Variants in TAFA4 observed in about 807,000 individuals in gnomAD.
The protein encoded by TAFA4 is chemokine-like protein TAFA-4.
In TAFA4, 20 loss-of-function variants were observed where a neutral mutation model predicts 21.1. That is an observed-to-expected ratio of 0.95 (90% CI 0.67 to 1.38). The LOEUF (loss-of-function observed/expected upper bound fraction) is 1.38. TAFA4 is among the 40% of genes most tolerant of loss of function. The pLI is 0.00. For missense variants in TAFA4, 211 were observed against 180.9 expected (o/e 1.17, Z -0.95); for synonymous variants, 71 against 67.4 (o/e 1.05, Z -0.26).
chr3:68,866,696 A>G (rs2089425360), intron 3 of TAFA4, among the ~76,000 whole-genome samples: 1 of 150,210 alleles, frequency 6.7e-6, no homozygotes. Context: ...AACTCACAAA[A>G]AAAAAAACTC....
chr3:68,756,637 A>G (rs541833915), intron 3 of TAFA4, among the ~76,000 whole-genome samples: 2 of 152,328 alleles, frequency 1.3e-5, no homozygotes, highest in South Asian at 4.1e-4. Flanking sequence ...TGGTGAGAAC[A>G]AATGCTAAGG....
chr3:68,799,354 C>T (rs934273112), intron 3 of TAFA4, among the ~76,000 whole-genome samples: 1 of 152,134 alleles, frequency 6.6e-6, no homozygotes, highest in Non-Finnish European at 1.5e-5. Flanking sequence ...AAGAGACTAG[C>T]TCTGCAGTCC....
chr3:68,750,819 C>A (rs949559981), intron 4 of TAFA4, among the ~76,000 whole-genome samples: 1 of 152,300 alleles, frequency 6.6e-6, no homozygotes, highest in East Asian at 1.9e-4. Context: ...GGCAAGCAAA[C>A]ATATTGTCTG....
chr3:68,828,226 A>G (rs558065739), intron 3 of TAFA4, among the ~76,000 whole-genome samples: 16 of 152,092 alleles, frequency 1.1e-4, no homozygotes, highest in Admixed American at 8.5e-4. Flanking sequence ...GTTCTGTTCC[A>G]TTGGTCTATA....
intron 3 of TAFA4, among the ~76,000 whole-genome samples, chr3:68,822,740 AG>A (rs1704141372): frequency 6.6e-6 from 1 of 152,150 alleles, no homozygotes; most frequent in South Asian, 2.1e-4. Flanking sequence ...CCAAAGTGCC[AG>A]GATTGTAGGC....
At chr3:68,914,209 G>A (rs546059051) in intron 1 of TAFA4, among the ~76,000 whole-genome samples, 2 of 152,134 alleles carry the variant, frequency 1.3e-5, no homozygotes, top group Non-Finnish European at 2.9e-5. Context: ...TACTGTTACA[G>A]GTAACAGCAG....
intron 3 of TAFA4, among the ~76,000 whole-genome samples, chr3:68,762,226 A>G (rs1702769504): frequency 6.6e-6 from 1 of 152,050 alleles, no homozygotes; most frequent in Non-Finnish European, 1.5e-5. Context: ...AATGTAGCAG[A>G]AGAATGGAGG....
At chr3:68,766,093 C>T (rs776223760) in intron 3 of TAFA4, among the ~76,000 whole-genome samples, 2 of 151,884 alleles carry the variant, frequency 1.3e-5, no homozygotes, top group Admixed American at 6.5e-5. Flanking sequence ...TGACAAGGAA[C>T]AGAAAAGCAC....
chr3:68,832,146 C>A (rs955291105), intron 3 of TAFA4, among the ~76,000 whole-genome samples: 1 of 151,766 alleles, frequency 6.6e-6, no homozygotes, highest in Non-Finnish European at 1.5e-5. Context: ...GCTTGGAGAG[C>A]TTGTTATTAC....
chr3:68,776,174 A>G (rs1000337745), intron 3 of TAFA4, among the ~76,000 whole-genome samples: 1 of 152,158 alleles, frequency 6.6e-6, no homozygotes. Flanking sequence ...ACCTAAACAT[A>G]ATAATAATTA....
intron 4 of TAFA4, among the ~76,000 whole-genome samples, chr3:68,749,223 A>T (rs1056182535): frequency 1.2e-4 from 19 of 152,202 alleles, no homozygotes; most frequent in African/African-American, 4.6e-4. Flanking sequence ...TTCCCTGTTT[A>T]TATAATATAA....
chr3:68,736,370 G>C (rs1183751429), intron 5 of TAFA4, among the ~76,000 whole-genome samples: 1 of 152,048 alleles, frequency 6.6e-6, no homozygotes, highest in African/African-American at 2.4e-5. Flanking sequence ...AGTAAACTCA[G>C]TGCCAATATT....
chr3:68,786,272 A>T (rs527827465), intron 3 of TAFA4, among the ~76,000 whole-genome samples: 1 of 152,338 alleles, frequency 6.6e-6, no homozygotes, highest in East Asian at 1.9e-4. Flanking sequence ...TTAAATTTTA[A>T]AAAAAGAAAA....
intron 2 of TAFA4, among the ~76,000 whole-genome samples, chr3:68,884,936 G>A (rs1274253250): frequency 2.0e-5 from 3 of 152,178 alleles, no homozygotes; most frequent in Non-Finnish European, 4.4e-5. Flanking sequence ...TTCAGCAATA[G>A]ATTTGTATTT....
chr3:68,812,345 G>T (rs900300611), intron 3 of TAFA4, among the ~76,000 whole-genome samples: 1 of 152,110 alleles, frequency 6.6e-6, no homozygotes, highest in Non-Finnish European at 1.5e-5. Flanking sequence ...AAATGTAAGT[G>T]GGCTAAATGC....
chr3:68,735,031 T>G (rs1702213584), intron 5 of TAFA4, among the ~76,000 whole-genome samples: 1 of 152,144 alleles, frequency 6.6e-6, no homozygotes, highest in African/African-American at 2.4e-5. Flanking sequence ...ACTTCTGAAT[T>G]TTGACGGATA....
intron 3 of TAFA4, among the ~76,000 whole-genome samples, chr3:68,765,694 G>C (rs1454762368): frequency 6.6e-6 from 1 of 152,096 alleles, no homozygotes; most frequent in East Asian, 1.9e-4. Flanking sequence ...CCAAAGAAAA[G>C]GAAAACATAA....
At chr3:68,843,352 C>A (rs181316279) in intron 3 of TAFA4, among the ~76,000 whole-genome samples, 9 of 152,234 alleles carry the variant, frequency 5.9e-5, no homozygotes, top group African/African-American at 2.2e-4. Context: ...TATAGTAATG[C>A]CTGTGATTTT....
rs182300408 is a variant in TAFA4 at position 68,777,913 on chromosome 3, G to A, written c.131-24895C>T. On this transcript the variant is annotated intron_variant, in intron 3 of 5. Coordinates refer to ENST00000295569, the MANE Select transcript of TAFA4 (RefSeq NM_182522.5). Reference sequence around the variant, plus strand: ...AGCCCATACCATATAACCTAGGTGTGTAGTAGTCAATAACATCTAGGTTTA... The same window carrying A: ...AGCCCATACCATATAACCTAGGTGTATAGTAGTCAATAACATCTAGGTTTA... 1.2e-4 allele frequency among the ~76,000 whole-genome samples: 19 copies of A among 152,262 alleles called. 1 individual carries two copies. The East Asian group carries it at 2.9e-3, about 23-fold the overall frequency.
Sources: allele counts gnomAD v4.1 joint callset (sites outside exome capture counted in the v4.1 genomes callset), GRCh38; gene constraint gnomAD v4.1.1; transcripts MANE v1.5; gene names NCBI Gene and HGNC (gene_info 2026-07-23, HGNC 2026-07-21).